Variants in PUDP observed in about 807,000 individuals in gnomAD.
The protein encoded by PUDP is pseudouridine-5'-phosphatase.
A neutral mutation model predicts 9.4 loss-of-function variants in PUDP; 8 were observed. That is an observed-to-expected ratio of 0.85 (90% CI 0.50 to 1.53). PUDP has a LOEUF of 1.53. Ranked by LOEUF, PUDP falls within the 40% of genes most tolerant of loss-of-function variation. The probability of loss-of-function intolerance (pLI) is 0.00; values close to 1 mark genes in which losing one functional copy is unlikely to be tolerated. For synonymous variants in PUDP, 99 were observed against 80.7 expected, an observed-to-expected ratio of 1.23 and a Z score of -1.22; for missense variants, 188 against 189.7, an observed-to-expected ratio of 0.99 and a Z score of 0.05.
At chrX:6,765,159 A>C (rs940874445) in intron 3 of PUDP, among the ~76,000 whole-genome samples, 1 of 110,569 alleles carries the variant, frequency 9.0e-6, no homozygotes, top group African/African-American at 3.3e-5. Context: ...GTGCACCTGT[A>C]GTCCCAGCTA....
chrX:6,971,118 G>A (rs1197415958), intron 3 of PUDP, among the ~76,000 whole-genome samples: 2 of 111,469 alleles, frequency 1.8e-5, no homozygotes, highest in Non-Finnish European at 3.8e-5. Context: ...TCTTATACCT[G>A]CTACAGGTAA....
At chrX:6,735,721 C>G (rs1254226818) in intron 3 of PUDP, among the ~76,000 whole-genome samples, 1 of 111,472 alleles carries the variant, frequency 9.0e-6, no homozygotes, top group Non-Finnish European at 1.9e-5. Flanking sequence ...GTTCCATGCA[C>G]TGCTTTATAC....
At chrX:6,791,114 G>C (rs773585682) in intron 3 of PUDP, among the ~76,000 whole-genome samples, 5 of 110,651 alleles carry the variant, frequency 4.5e-5, no homozygotes, top group Non-Finnish European at 9.5e-5. Flanking sequence ...CCAGCACTTT[G>C]GGAGGCCAAA....
At chrX:7,089,039 T>C (rs1931347806) in intron 2 of PUDP, among the ~76,000 whole-genome samples, 1 of 111,807 alleles carries the variant, frequency 8.9e-6, no homozygotes, top group African/African-American at 3.3e-5. Context: ...AACAAATATA[T>C]AGATTACAGG....
intron 1 of PUDP, among the ~76,000 whole-genome samples, chrX:6,996,286 T>G (rs1424690754): frequency 9.0e-6 from 1 of 111,412 alleles, no homozygotes; most frequent in Non-Finnish European, 1.9e-5. Context: ...AAACAAATAG[T>G]GGATTTCACT....
At chrX:6,912,786 A>G (rs1927868342) in intron 3 of PUDP, among the ~76,000 whole-genome samples, 1 of 112,538 alleles carries the variant, frequency 8.9e-6, no homozygotes, top group Non-Finnish European at 1.9e-5. Context: ...AGAAATTAGA[A>G]TATAAAAATA....
At chrX:6,995,788 T>C (rs1231696875) in intron 1 of PUDP, among the ~76,000 whole-genome samples, 2 of 107,841 alleles carry the variant, frequency 1.9e-5, no homozygotes, top group African/African-American at 6.7e-5. Flanking sequence ...GTTAATATTA[T>C]AGCTAGAAGA....
At chrX:6,942,820 G>A (rs997446404) in intron 3 of PUDP, among the ~76,000 whole-genome samples, 1 of 111,693 alleles carries the variant, frequency 9.0e-6, no homozygotes, top group African/African-American at 3.3e-5. Flanking sequence ...ATATTGGCGT[G>A]GTGTAGCCCC....
At chrX:6,920,069 T>C (rs778952945) in intron 3 of PUDP, among the ~76,000 whole-genome samples, 4 of 108,721 alleles carry the variant, frequency 3.7e-5, no homozygotes, top group Non-Finnish European at 7.6e-5. Flanking sequence ...TTACCTCTCC[T>C]AGAATCAATG....
At chrX:6,733,644 G>T (rs751080898) in intron 3 of PUDP, among the ~76,000 whole-genome samples, 2 of 110,270 alleles carry the variant, frequency 1.8e-5, no homozygotes, top group African/African-American at 6.6e-5. Context: ...CCAGAAGGGT[G>T]AAGGAAAGGT....
At chrX:7,010,357 C>G (rs935021860) in intron 1 of PUDP, among the ~76,000 whole-genome samples, 1 of 111,753 alleles carries the variant, frequency 8.9e-6, no homozygotes, top group African/African-American at 3.3e-5. Context: ...GGCCACACAC[C>G]ATGTTACACA....
chrX:7,068,424 G>A (rs928173880), intron 3 of PUDP, among the ~76,000 whole-genome samples: 3 of 111,778 alleles, frequency 2.7e-5, no homozygotes, highest in East Asian at 2.8e-4. Flanking sequence ...TCCGTATATC[G>A]TGCATTGATA....
At chrX:6,844,299 G>A (rs1032812606) in intron 3 of PUDP, among the ~76,000 whole-genome samples, 11 of 112,819 alleles carry the variant, frequency 9.8e-5, no homozygotes, top group Non-Finnish European at 1.9e-4. Flanking sequence ...TCCTTGCTAT[G>A]CAACATATAA....
chrX:6,832,624 T>C (rs58666786), intron 3 of PUDP, among the ~76,000 whole-genome samples: 21,940 of 111,016 alleles, frequency 0.2, 1,769 homozygotes, highest in East Asian at 0.46. Context: ...AGAGATAGGA[T>C]GGATATATTT....
chrX:6,707,835 A>G (rs1438675042), intron 1 of PUDP, among the ~76,000 whole-genome samples: 1 of 112,354 alleles, frequency 8.9e-6, no homozygotes, highest in African/African-American at 3.2e-5. Flanking sequence ...CAGAGTAACA[A>G]GAAACATGGT....
intron 3 of PUDP, among the ~76,000 whole-genome samples, chrX:6,853,610 C>T: frequency 9.0e-6 from 1 of 111,151 alleles, no homozygotes; most frequent in African/African-American, 3.3e-5. Flanking sequence ...AAACTCATAC[C>T]ACTAAATGGT....
At chrX:7,035,694 T>A (rs765153831) in intron 1 of PUDP, among the ~76,000 whole-genome samples, 34 of 112,189 alleles carry the variant, frequency 3.0e-4, no homozygotes, top group Admixed American at 2.9e-3. Context: ...CTGAGTTGTA[T>A]GTTTGTACAT....
At chrX:6,773,158 G>A (rs1778342630) in intron 3 of PUDP, among the ~76,000 whole-genome samples, 1 of 112,212 alleles carries the variant, frequency 8.9e-6, no homozygotes, top group African/African-American at 3.2e-5. Context: ...TCAGGAACAT[G>A]CTCCATGTTG....
chrX:6,792,690 C>T (rs376703627), intron 3 of PUDP, among the ~76,000 whole-genome samples: 5 of 112,260 alleles, frequency 4.5e-5, no homozygotes, highest in African/African-American at 1.6e-4. Flanking sequence ...GCTTACCAAA[C>T]CTAAGCATTA....
Sources: gnomAD v4.1 joint callset for allele counts (sites outside exome capture counted in the v4.1 genomes callset) on GRCh38, gnomAD v4.1.1 for gene constraint, MANE v1.5 for transcripts, NCBI Gene and HGNC (gene_info 2026-07-23, HGNC 2026-07-21) for gene names.